Variants in ZNF654 observed in about 807,000 individuals in gnomAD.
ZNF654 encodes the protein melanoma-associated antigen.
Under a neutral mutation model 95.3 loss-of-function variants are expected in ZNF654, and 19 were observed. The observed-to-expected ratio is 0.20, with a 90% CI of 0.14 to 0.29. ZNF654 has a LOEUF of 0.29. ZNF654 is among the 10% of genes least tolerant of loss of function. ZNF654 has a pLI of 1.00. For synonymous variants in ZNF654, 413 were observed against 457.9 expected (o/e 0.90, Z 1.25); for missense variants, 1,046 against 1,341.0 (o/e 0.78, Z 3.44).
chr3:88,141,074 G>A, intron 8 of ZNF654, 26 bp downstream of exon 8: 3 of 1,543,410 alleles, frequency 1.9e-6, no homozygotes. Flanking sequence ...TCTTAGTAGA[G>A]GTATCTGTAG....
chr3:88,097,342 T>G (rs1704123068), intron 2 of ZNF654, among the ~76,000 whole-genome samples: 1 of 151,994 alleles, frequency 6.6e-6, no homozygotes, highest in East Asian at 1.9e-4. Context: ...AGAACCAGTT[T>G]TCTCACACCT....
chr3:88,091,619 C>T (rs1179229009), intron 2 of ZNF654, among the ~76,000 whole-genome samples: 1 of 152,162 alleles, frequency 6.6e-6, no homozygotes, highest in Non-Finnish European at 1.5e-5. Flanking sequence ...CAAATCTCAT[C>T]TTGAATTGTA....
At chr3:88,067,882 C>A (rs1348372221) in intron 1 of ZNF654, among the ~76,000 whole-genome samples, 1 of 150,022 alleles carries the variant, frequency 6.7e-6, no homozygotes, top group Non-Finnish European at 1.5e-5. Flanking sequence ...ATTTTCTTTT[C>A]TTTCTTTTTT....
At chr3:88,135,651 T>C (rs1305166308) in intron 7 of ZNF654, among the ~76,000 whole-genome samples, 3 of 152,080 alleles carry the variant, frequency 2.0e-5, no homozygotes, top group African/African-American at 4.8e-5. Flanking sequence ...TTTTAAATTG[T>C]TTATTTGAAG....
At chr3:88,103,829 C>T (rs1433027410) in intron 2 of ZNF654, among the ~76,000 whole-genome samples, 1 of 144,504 alleles carries the variant, frequency 6.9e-6, no homozygotes, top group East Asian at 2.0e-4. Flanking sequence ...TGCATTGGCG[C>T]CATCTTGGCT....
At chr3:88,061,827 C>T (rs919604253) in intron 1 of ZNF654, among the ~76,000 whole-genome samples, 1 of 152,082 alleles carries the variant, frequency 6.6e-6, no homozygotes, top group Non-Finnish European at 1.5e-5. Flanking sequence ...ATGACTTAAT[C>T]GTGAGTAATG....
At position 88,126,528 on chromosome 3, in the gene ZNF654, G is replaced by A. The variant is rs146934589; in HGVS notation, c.550+259G>A. 3.6e-4 allele frequency among the ~76,000 whole-genome samples: 51 copies of A among 142,488 alleles called. 1 individual carries two copies. The East Asian group carries it at 0.011, about 30-fold the overall frequency. 93.5% of individuals were successfully genotyped at this position (142,488 alleles called of 152,430 possible). On this transcript the variant is annotated intron_variant, in intron 4 of 8. Coordinates refer to ENST00000636215, the MANE Select transcript of ZNF654 (RefSeq NM_001350134.2). ...TAGATGTTATTTATTTACAGAGAGT[G>A]TATTTTTGTCACTTCAGTTATATTA...
Position 88,129,731 on chromosome 3 carries a change from T to C in ZNF654, c.798T>C (p.Cys266=). Reference sequence around the variant, plus strand: ...GTAAGAGTGGAATTGATATCATCTGTAATGCTGAAAAAGAAGGCAAAACTA... The same window carrying C: ...GTAAGAGTGGAATTGATATCATCTGCAATGCTGAAAAAGAAGGCAAAACTA... The part of the protein sequence containing the change: ...TDCKSGIDII[C]NAEKEGKTML... The change falls in exon 6 of 9, where the codon TGT becomes TGC. Residue 266 remains cysteine, a synonymous_variant. Transcript: ENST00000636215. 6.5e-7 allele frequency: 1 copy of C among 1,528,326 alleles called. No homozygotes were observed. The highest frequency in any genetic ancestry group is 8.8e-7 in the Non-Finnish European group (1 of 1,141,694). 94.7% of individuals were successfully genotyped at this position (1,528,326 alleles called of 1,614,324 possible). A position where few individuals can be genotyped will look rare whatever the true frequency, so the allele number is the denominator to read the frequency against.
chr3:88,081,414 C>A (rs6799233), intron 1 of ZNF654, among the ~76,000 whole-genome samples: 119,003 of 151,992 alleles, frequency 0.78, 47,514 homozygotes, highest in South Asian at 0.91. Flanking sequence ...AATTTTCACT[C>A]ACTATTAGCA....
chr3:88,119,395 G>T (rs1483595024), intron 3 of ZNF654, among the ~76,000 whole-genome samples: 2 of 4,182 alleles, frequency 4.8e-4, no homozygotes, highest in Non-Finnish European at 5.5e-3. Flanking sequence ...TGGGGTGGGG[G>T]GAGGGGGGAG....
intron 1 of ZNF654, among the ~76,000 whole-genome samples, chr3:88,083,024 CCCTCCTCACT>C (rs1015715254): frequency 1.5e-4 from 23 of 151,808 alleles, no homozygotes; most frequent in East Asian, 5.8e-4. Context: ...TCCTCCCTCC[CCCTCCTCACT>C]CCTCCTCACT....
chr3:88,138,003 G>A (rs954495226), intron 7 of ZNF654, among the ~76,000 whole-genome samples: 4 of 152,042 alleles, frequency 2.6e-5, no homozygotes, highest in African/African-American at 9.7e-5. Flanking sequence ...ACTAAGATGG[G>A]TCGACAATAG....
chr3:88,119,549 TAAAAA>T (rs56122963), intron 3 of ZNF654, among the ~76,000 whole-genome samples: 1 of 142,084 alleles, frequency 7.0e-6, no homozygotes, highest in African/African-American at 2.6e-5. Flanking sequence ...AATAATAAAT[TAAAAA>T]AAAAAAAACA....
Position 88,129,669 on chromosome 3 carries a change from T to C in ZNF654, c.754-18T>C, listed in dbSNP as rs1184542437. 1.4e-6 allele frequency: 2 copies of C among 1,409,286 alleles called. No homozygotes were observed. Among genetic ancestry groups the C allele is most frequent in the Non-Finnish European group, 1.9e-6 (2 of 1,070,560 alleles). 87.3% of individuals were successfully genotyped at this position (1,409,286 alleles called of 1,614,324 possible). ...ATATTTTTAATTATATGAACTGATTTCTCTTTTCCTCTTACAGCATTTATT... is the reference window on the plus strand; with the variant it reads ...ATATTTTTAATTATATGAACTGATTCCTCTTTTCCTCTTACAGCATTTATT... On this transcript the variant is annotated intron_variant, in intron 5 of 8. Coordinates refer to ENST00000636215, the MANE Select transcript of ZNF654 (RefSeq NM_001350134.2).
chr3:88,136,033 A>G (rs1169957867), intron 7 of ZNF654, among the ~76,000 whole-genome samples: 1 of 152,162 alleles, frequency 6.6e-6, no homozygotes, highest in African/African-American at 2.4e-5. Flanking sequence ...CGCTAACTGC[A>G]TTTATGGTAT....
chr3:88,083,466 T>C (rs1166634675), intron 1 of ZNF654, among the ~76,000 whole-genome samples: 2 of 152,104 alleles, frequency 1.3e-5, no homozygotes, highest in African/African-American at 2.4e-5. Context: ...TAGTCTAACA[T>C]CTTTCTTTGG....
intron 2 of ZNF654, among the ~76,000 whole-genome samples, chr3:88,111,988 GTTA>G (rs891200145): frequency 3.3e-5 from 5 of 151,812 alleles, no homozygotes; most frequent in Non-Finnish European, 7.4e-5. Flanking sequence ...TTTCTACTAG[GTTA>G]TTGACTTTTT....
chr3:88,094,785 C>CT (rs570985392), intron 2 of ZNF654, among the ~76,000 whole-genome samples: 3 of 151,794 alleles, frequency 2.0e-5, no homozygotes, highest in Admixed American at 6.6e-5. Flanking sequence ...CAGAGCTGAA[C>CT]TTTTTTTTCT....
At chr3:88,115,840 A>G (rs6551272) in intron 3 of ZNF654, among the ~76,000 whole-genome samples, 119,094 of 151,962 alleles carry the variant, frequency 0.78, 47,587 homozygotes, top group South Asian at 0.91. Flanking sequence ...GAGATTCCCA[A>G]TGAAGTGACA....
Sources: allele counts gnomAD v4.1 joint callset (sites outside exome capture counted in the v4.1 genomes callset), GRCh38; gene constraint gnomAD v4.1.1; transcripts MANE v1.5; gene names NCBI Gene and HGNC (gene_info 2026-07-23, HGNC 2026-07-21).